COPRS: variants seen among roughly 807,000 people sequenced by gnomAD.
The protein encoded by COPRS is coordinator of PRMT5 and differentiation stimulator.
Under a neutral mutation model 19.9 loss-of-function variants are expected in COPRS, and 11 were observed. The ratio of observed to expected loss-of-function variants is 0.55; its 90% CI spans 0.35 to 0.92. The LOEUF is 0.92. Among genes scored for constraint, COPRS ranks in the 40% least tolerant of loss-of-function variants. The pLI is 0.01. For synonymous variants in COPRS, 81 were observed against 82.7 expected (o/e 0.98, Z 0.11); for missense variants, 225 against 229.9 (o/e 0.98, Z 0.14).
Position 31,858,667 on chromosome 17 carries a change from A to G in COPRS, c.99+434T>C, listed in dbSNP as rs775255990. The G allele has an allele frequency of 1.3e-5, 17 of 1,316,558 alleles. No individual in the cohort carries two copies. The Admixed American group carries it at 2.0e-4, about 15-fold the overall frequency. 81.6% of individuals were successfully genotyped at this position (1,316,558 alleles called of 1,614,324 possible). Reference sequence around the variant, plus strand: ...AAGGAGAAGGGGGAGCGCGCATGTGACATCTGGGGCTCAGGGTTAGCTGGC... The same window carrying G: ...AAGGAGAAGGGGGAGCGCGCATGTGGCATCTGGGGCTCAGGGTTAGCTGGC... On this transcript the variant is annotated intron_variant, in intron 1 of 3. Coordinates refer to ENST00000302362, the MANE Select transcript of COPRS (RefSeq NM_018405.4).
In COPRS at chr17:31,856,811, T is replaced by C. The variant is rs1909370820; in HGVS notation, c.154A>G (p.Met52Val). The change falls in exon 2 of 4, where the codon ATG becomes GTG. Residue 52 changes from methionine (M) to valine (V), a missense_variant. Physicochemically the swap from Met to Val is conservative, Grantham distance 21. This residue lies in a region of COPRS where 170 missense variants were observed against 171.4 expected (regional missense o/e 0.99). Transcript: ENST00000302362. ...GCCATCTACTTGCCTAGTCGATCCA[T>C]AGCCTTCTCAGTCTCTCTCTCCTGA... ...SSQERETEKA[M>V]DRLARGTQSI... 3.1e-6 allele frequency: 5 copies of C among 1,606,110 alleles called. No homozygotes were observed. Among genetic ancestry groups the C allele is most frequent in the East Asian group, 2.2e-5 (1 of 44,854 alleles).
At chr17:31,853,581 C>T (rs1909231466) in intron 2 of COPRS, among the ~76,000 whole-genome samples, 1 of 152,130 alleles carries the variant, frequency 6.6e-6, no homozygotes, top group Admixed American at 6.5e-5. Flanking sequence ...GGGGTTTCAC[C>T]ATCTTGGCCA....
In COPRS at chr17:31,859,179, C is replaced by A; in HGVS notation, c.21G>T (p.Gly7=). The change falls in exon 1 of 4, where the codon GGG becomes GGT. Residue 7 remains glycine (G), a synonymous_variant. Coordinates refer to ENST00000302362, the MANE Select transcript of COPRS (RefSeq NM_018405.4). Reference sequence around the variant, plus strand: ...GCTCCGCGGCCCCCTGCGCCTGGGCCCCGGCGGCCTGAAGGTCCATGCCCT... The same window carrying A: ...GCTCCGCGGCCCCCTGCGCCTGGGCACCGGCGGCCTGAAGGTCCATGCCCT... MDLQAA[G]AQAQGAAEPS... is the part of the protein sequence containing the mutation. The A allele has an allele frequency of 9.4e-7, 1 of 1,062,254 alleles. No individual in the cohort carries two copies. Among genetic ancestry groups the A allele is most frequent in the Non-Finnish European group, 1.1e-6 (1 of 880,334 alleles). The allele number at this position is 1,062,254 out of a possible 1,614,324, so 65.8% of individuals were successfully genotyped here.
At chr17:31,854,753 T>C (rs1390936514) in intron 2 of COPRS, among the ~76,000 whole-genome samples, 1 of 152,154 alleles carries the variant, frequency 6.6e-6, no homozygotes, top group Non-Finnish European at 1.5e-5. Flanking sequence ...AACTCACATT[T>C]GCCTATCCAG....
intron 2 of COPRS, 68 bp from the exon 3 acceptor site, chr17:31,853,098 T>G: frequency 8.1e-7 from 1 of 1,235,860 alleles, no homozygotes. Context: ...CTCAGTAAAT[T>G]TTGGGCAGAC....
chr17:31,855,282 A>T (rs1246388931), intron 2 of COPRS, among the ~76,000 whole-genome samples: 1 of 151,758 alleles, frequency 6.6e-6, no homozygotes, highest in South Asian at 2.1e-4. Flanking sequence ...GTGGCCAAGG[A>T]GGGCAGATCA....
At chr17:31,852,349 GGGAA>G (rs1307908019) in intron 3 of COPRS, 41 bp from the exon 4 acceptor site, 7 of 1,526,832 alleles carry the variant, frequency 4.6e-6, no homozygotes, top group African/African-American at 2.8e-5. Context: ...GAAGGAAGGA[GGGAA>G]GGAAGGAAGG....
chr17:31,852,770 T>C lies in COPRS; in HGVS notation c.385+42A>G, dbSNP rs79986169. 17 of 1,426,602 alleles carry C rather than the reference T, an allele frequency of 1.2e-5. No individual in the cohort carries two copies. In the East Asian group the frequency reaches 3.9e-4, roughly 32 times the overall value. 88.4% of individuals were successfully genotyped at this position (1,426,602 alleles called of 1,614,324 possible). A position where few individuals can be genotyped will look rare whatever the true frequency, so the allele number is the denominator to read the frequency against. ...TCAGGGCTGGTCTGACAGGTGTGTC[T>C]GAGAAGGCCTAGTTCAGGACCCCCA... On this transcript the variant is annotated intron_variant, in intron 3 of 3. Transcript: ENST00000302362.
chr17:31,859,063 CGGCT>C, intron 1 of COPRS, 34 bp downstream of exon 1: 1 of 1,150,614 alleles, frequency 8.7e-7, no homozygotes, highest in Non-Finnish European at 1.1e-6. Flanking sequence ...CCCCAGGCTG[CGGCT>C]GGCTGTTGCT....
intron 2 of COPRS, 171 bp downstream of exon 2, chr17:31,856,628 C>A: frequency 3.2e-6 from 2 of 621,756 alleles, no homozygotes; most frequent in South Asian, 1.7e-5. Flanking sequence ...CAGGACTTCC[C>A]TTAAGGAAGC....
intron 2 of COPRS, among the ~76,000 whole-genome samples, chr17:31,853,549 T>C (rs1363471037): frequency 6.6e-6 from 1 of 152,046 alleles, no homozygotes; most frequent in Non-Finnish European, 1.5e-5. Flanking sequence ...CCAGCTAATT[T>C]TTTTGTATTT....
rs2142279256 is a variant in COPRS at position 31,859,200 on chromosome 17, G to C, written c.-1C>G. On this transcript the variant is annotated 5_prime_UTR_variant, in exon 1 of 4. Coordinates refer to ENST00000302362, the MANE Select transcript of COPRS (RefSeq NM_018405.4). The stretch of plus-strand genomic sequence containing the variant: ...GGGCCCCGGCGGCCTGAAGGTCCAT[G>C]CCCTGCGGCCCGCGGCTGGTCGCCC... 2 of 1,047,838 alleles carry C rather than the reference G, an allele frequency of 1.9e-6. No homozygotes were observed. Among genetic ancestry groups the C allele is most frequent in the Non-Finnish European group, 2.3e-6 (2 of 868,934 alleles). 64.9% of individuals were successfully genotyped at this position (1,047,838 alleles called of 1,614,324 possible). A position where few individuals can be genotyped will look rare whatever the true frequency, so the allele number is the denominator to read the frequency against.
intron 2 of COPRS, 70 bp downstream of exon 2, chr17:31,856,729 T>C (rs767950400): frequency 1.0e-6 from 1 of 964,974 alleles, no homozygotes; most frequent in Admixed American, 1.7e-5. Context: ...AGAAGGTAAA[T>C]GAGACAGAGG....
At chr17:31,855,062 A>G (rs1391117442) in intron 2 of COPRS, among the ~76,000 whole-genome samples, 1 of 152,158 alleles carries the variant, frequency 6.6e-6, no homozygotes, top group Non-Finnish European at 1.5e-5. Flanking sequence ...AAATGAAGAT[A>G]GGGTTGTTGT....
Position 31,853,675 on chromosome 17 carries a change from C to A in COPRS, c.167-645G>T, listed in dbSNP as rs570208756. Among the ~76,000 whole-genome samples, 6 of 152,260 alleles carry A rather than the reference C, an allele frequency of 3.9e-5. No individual in the cohort carries two copies. The South Asian group carries it at 1.2e-3, about 32-fold the overall frequency. On this transcript the variant is annotated intron_variant, in intron 2 of 3. Coordinates refer to ENST00000302362, the MANE Select transcript of COPRS (RefSeq NM_018405.4). ...GATTACAGGCGTAAGCCACTGTGCCCGGTTGTTTTTGCTCTTTTATTCCTC... is the reference window on the plus strand; with the variant it reads ...GATTACAGGCGTAAGCCACTGTGCCAGGTTGTTTTTGCTCTTTTATTCCTC...
chr17:31,858,920 GC>G (rs1909447292), intron 1 of COPRS, 180 bp downstream of exon 1: 33 of 1,469,340 alleles, frequency 2.2e-5, no homozygotes, highest in Non-Finnish European at 2.8e-5. Context: ...CAGCCCCGCG[GC>G]CCCGCGGCCT....
At chr17:31,854,336 C>T (rs1303847528) in intron 2 of COPRS, among the ~76,000 whole-genome samples, 1 of 110,754 alleles carries the variant, frequency 9.0e-6, no homozygotes, top group African/African-American at 3.6e-5. Flanking sequence ...TGCCATTGCA[C>T]AGAGTGAGAC....
At chr17:31,852,364 T>C in intron 3 of COPRS, 56 bp from the exon 4 acceptor site, 1 of 1,420,998 alleles carries the variant, frequency 7.0e-7, no homozygotes, top group Non-Finnish European at 9.7e-7. Context: ...GGAAGGAAGG[T>C]AAAAACGGAC....
intron 1 of COPRS, 173 bp downstream of exon 1, chr17:31,858,928 G>C: frequency 1.4e-6 from 2 of 1,456,036 alleles, no homozygotes; most frequent in South Asian, 2.8e-5. Context: ...CGGCCCCGCG[G>C]CCTGGCCGTT....
Sources: allele counts gnomAD v4.1 joint callset (sites outside exome capture counted in the v4.1 genomes callset), GRCh38; gene constraint gnomAD v4.1.1; regional missense constraint gnomAD v4.1.1; transcripts MANE v1.5; gene names NCBI Gene and HGNC (gene_info 2026-07-23, HGNC 2026-07-21).